The following CNTNAP2 variants were observed in gnomAD, a reference collection of about 807,000 sequenced individuals.
The protein encoded by CNTNAP2 is contactin-associated protein-like 2.
CNTNAP2 carries 98 observed loss-of-function variants against 155.2 expected under a neutral mutation model. The observed-to-expected ratio is 0.63, with a 90% CI of 0.54 to 0.75. The LOEUF (loss-of-function observed/expected upper bound fraction) is 0.75, where lower values mean the gene tolerates loss of function less well. CNTNAP2 is among the 30% of genes least tolerant of loss of function. The probability of loss-of-function intolerance (pLI) is 0.00; values close to 1 mark genes in which losing one functional copy is unlikely to be tolerated. For missense variants in CNTNAP2, 1,727 were observed against 1,688.1 expected, an observed-to-expected ratio of 1.02 and a Z score of -0.40; for synonymous variants, 651 against 631.2, an observed-to-expected ratio of 1.03 and a Z score of -0.47.
At chr7:147,959,267 A>G (rs1182728359) in intron 14 of CNTNAP2, among the ~76,000 whole-genome samples, 2 of 151,850 alleles carry the variant, frequency 1.3e-5, no homozygotes, top group Non-Finnish European at 2.9e-5. Context: ...GCGTCTTTCC[A>G]TGACCTTCTC....
intron 10 of CNTNAP2, among the ~76,000 whole-genome samples, chr7:147,419,656 A>G (rs923597353): frequency 6.6e-6 from 1 of 152,146 alleles, no homozygotes; most frequent in Non-Finnish European, 1.5e-5. Flanking sequence ...GCTTTCTTAC[A>G]GGGTTAGCAT....
chr7:147,904,079 C>T (rs1799919333), intron 14 of CNTNAP2, among the ~76,000 whole-genome samples: 1 of 152,034 alleles, frequency 6.6e-6, no homozygotes, highest in Non-Finnish European at 1.5e-5. Context: ...TGCAGGCAGT[C>T]AACAGCCTCC....
At chr7:146,866,864 T>C (rs1305607036) in intron 3 of CNTNAP2, among the ~76,000 whole-genome samples, 2 of 152,278 alleles carry the variant, frequency 1.3e-5, no homozygotes, top group African/African-American at 4.8e-5. Flanking sequence ...ACAAGATAGA[T>C]GTATAATATA....
intron 1 of CNTNAP2, among the ~76,000 whole-genome samples, chr7:146,419,854 T>A (rs1795987330): frequency 6.6e-6 from 1 of 152,158 alleles, no homozygotes; most frequent in Non-Finnish European, 1.5e-5. Flanking sequence ...ACATATTTTA[T>A]GCCCCTAACT....
intron 1 of CNTNAP2, among the ~76,000 whole-genome samples, chr7:146,156,942 T>C (rs537232654): frequency 7.9e-5 from 12 of 152,324 alleles, no homozygotes; most frequent in Admixed American, 7.8e-4. Flanking sequence ...TTGAACTTAC[T>C]AAGAGTTCAT....
At chr7:147,697,016 T>A (rs1303447076) in intron 13 of CNTNAP2, among the ~76,000 whole-genome samples, 1 of 152,206 alleles carries the variant, frequency 6.6e-6, no homozygotes, top group African/African-American at 2.4e-5. Flanking sequence ...CTTGGTTTCC[T>A]TTGAGCTTCC....
intron 1 of CNTNAP2, among the ~76,000 whole-genome samples, chr7:146,425,781 T>C (rs1796078270): frequency 6.6e-6 from 1 of 152,188 alleles, no homozygotes; most frequent in African/African-American, 2.4e-5. Context: ...AAGTGAACCC[T>C]ATGTGGTAGG....
chr7:147,148,906 G>A (rs550407027), intron 8 of CNTNAP2, among the ~76,000 whole-genome samples: 5 of 152,332 alleles, frequency 3.3e-5, no homozygotes, highest in South Asian at 2.1e-4. Context: ...GAATGAAGCC[G>A]CAGACCCTTG....
intron 8 of CNTNAP2, among the ~76,000 whole-genome samples, chr7:147,224,455 C>T (rs1461143099): frequency 1.3e-5 from 2 of 152,130 alleles, no homozygotes; most frequent in East Asian, 3.9e-4. Flanking sequence ...TTTACTATAA[C>T]CCTTTAGAGA....
At chr7:146,183,380 C>T (rs1360732431) in intron 1 of CNTNAP2, among the ~76,000 whole-genome samples, 1 of 152,006 alleles carries the variant, frequency 6.6e-6, no homozygotes, top group Non-Finnish European at 1.5e-5. Flanking sequence ...TGAGAAGATA[C>T]CTGGAACTTT....
At chr7:148,062,026 AGAGTGT>A (rs1284111251) in intron 15 of CNTNAP2, among the ~76,000 whole-genome samples, 13 of 132,042 alleles carry the variant, frequency 9.8e-5, no homozygotes, top group African/African-American at 2.3e-4. Flanking sequence ...AGAGAGAGAG[AGAGTGT>A]GTGTGTGTGT....
At chr7:148,335,499 C>A (rs1220306219) in intron 21 of CNTNAP2, among the ~76,000 whole-genome samples, 3 of 152,178 alleles carry the variant, frequency 2.0e-5, no homozygotes, top group Non-Finnish European at 4.4e-5. Context: ...GCACACCTAG[C>A]AGAGACAAGA....
At chr7:147,227,686 C>T (rs976746333) in intron 8 of CNTNAP2, among the ~76,000 whole-genome samples, 4 of 152,150 alleles carry the variant, frequency 2.6e-5, no homozygotes, top group Non-Finnish European at 5.9e-5. Flanking sequence ...GCAAAGGTTA[C>T]ATACAGCCTG....
intron 16 of CNTNAP2, among the ~76,000 whole-genome samples, chr7:148,126,708 T>A (rs1432543043): frequency 6.6e-6 from 1 of 152,108 alleles, no homozygotes; most frequent in Non-Finnish European, 1.5e-5. Flanking sequence ...TGACCCAAAC[T>A]TTACTGTCCT....
chr7:147,332,164 A>G (rs1314762231), intron 9 of CNTNAP2, among the ~76,000 whole-genome samples: 3 of 152,212 alleles, frequency 2.0e-5, no homozygotes, highest in Non-Finnish European at 4.4e-5. Flanking sequence ...ACATTAATGA[A>G]GAAGGGCCAA....
At chr7:147,944,846 C>T (rs1024073423) in intron 14 of CNTNAP2, among the ~76,000 whole-genome samples, 1 of 152,170 alleles carries the variant, frequency 6.6e-6, no homozygotes, top group African/African-American at 2.4e-5. Flanking sequence ...GTTTATACCT[C>T]ACTTTGTAGA....
At chr7:147,051,045 C>T (rs536730252) in intron 4 of CNTNAP2, among the ~76,000 whole-genome samples, 7 of 151,982 alleles carry the variant, frequency 4.6e-5, no homozygotes, top group Middle Eastern at 3.4e-3. Context: ...TTAGGATCTA[C>T]CCTAAACCAG....
At chr7:147,482,276 T>C in intron 10 of CNTNAP2, among the ~76,000 whole-genome samples, 1 of 152,182 alleles carries the variant, frequency 6.6e-6, no homozygotes, top group African/African-American at 2.4e-5. Context: ...TATTTTGTTT[T>C]GCTTGGTAAC....
chr7:146,842,763 G>A (rs898879321), intron 3 of CNTNAP2, among the ~76,000 whole-genome samples: 3 of 151,998 alleles, frequency 2.0e-5, no homozygotes, highest in Non-Finnish European at 4.4e-5. Context: ...TCGGCTCACT[G>A]CAAGCTCCGC....
Sources: gnomAD v4.1 joint callset for allele counts (sites outside exome capture counted in the v4.1 genomes callset) on GRCh38, gnomAD v4.1.1 for gene constraint, MANE v1.5 for transcripts, NCBI Gene and HGNC (gene_info 2026-07-23, HGNC 2026-07-21) for gene names.